The following BTBD7 variants were observed in gnomAD, a reference collection of about 807,000 sequenced individuals.
BTBD7 encodes the protein BTB domain containing 7.
A neutral mutation model predicts 99.9 loss-of-function variants in BTBD7; 38 were observed. The ratio of observed to expected loss-of-function variants is 0.38; its 90% CI spans 0.29 to 0.50. The LOEUF is 0.50. BTBD7 is among the 20% of genes least tolerant of loss of function. The pLI is 0.93. For synonymous variants in BTBD7, 520 were observed against 511.4 expected (o/e 1.02, Z -0.23); for missense variants, 1,170 against 1,394.6 (o/e 0.84, Z 2.57).
At chr14:93,251,311 G>C (rs948899777) in intron 8 of BTBD7, 152 bp downstream of exon 8, 75 of 801,860 alleles carry the variant, frequency 9.4e-5, no homozygotes, top group Non-Finnish European at 1.3e-4. Context: ...AAAAGTTTTG[G>C]CTTAAAAGTG....
chr14:93,271,780 G>T (rs907556098), intron 3 of BTBD7, among the ~76,000 whole-genome samples: 1 of 152,012 alleles, frequency 6.6e-6, no homozygotes, highest in Non-Finnish European at 1.5e-5. Context: ...CAAGACGGGC[G>T]GATCGTTTGG....
At chr14:93,323,448 C>T (rs2053292495) in intron 1 of BTBD7, among the ~76,000 whole-genome samples, 1 of 152,144 alleles carries the variant, frequency 6.6e-6, no homozygotes, top group African/African-American at 2.4e-5. Flanking sequence ...ATAGCTATCA[C>T]TAACATTCAC....
chr14:93,248,427 T>C (rs752597986), intron 9 of BTBD7, 49 bp downstream of exon 9: 2 of 1,584,732 alleles, frequency 1.3e-6, no homozygotes, highest in Admixed American at 1.7e-5. Flanking sequence ...ATACTGCCTG[T>C]CTGGTGACTG....
chr14:93,248,416 A>C, intron 9 of BTBD7, 60 bp downstream of exon 9: 1 of 1,560,580 alleles, frequency 6.4e-7, no homozygotes. Flanking sequence ...GGATGCCCAC[A>C]ATACTGCCTG....
intron 1 of BTBD7, among the ~76,000 whole-genome samples, chr14:93,319,003 G>C (rs1270637774): frequency 6.6e-6 from 1 of 152,178 alleles, no homozygotes; most frequent in South Asian, 2.1e-4. Flanking sequence ...GATTGCTTCA[G>C]CCCAGGAGTT....
chr14:93,278,178 C>G (rs1358676677), intron 3 of BTBD7, among the ~76,000 whole-genome samples: 1 of 151,470 alleles, frequency 6.6e-6, no homozygotes, highest in South Asian at 2.1e-4. Context: ...TTTGGGAAGC[C>G]GAGGTGGGTG....
At chr14:93,243,461 G>A (rs746280188) in intron 10 of BTBD7, among the ~76,000 whole-genome samples, 1 of 152,114 alleles carries the variant, frequency 6.6e-6, no homozygotes, top group Non-Finnish European at 1.5e-5. Flanking sequence ...CTAAAGTGCT[G>A]GGATTACAGG....
At chr14:93,331,153 A>G (rs1250443479) in intron 1 of BTBD7, among the ~76,000 whole-genome samples, 1 of 152,200 alleles carries the variant, frequency 6.6e-6, no homozygotes, top group Non-Finnish European at 1.5e-5. Flanking sequence ...TCAGAATGAG[A>G]CAGAGGCTCT....
chr14:93,244,571 C>G (rs2052279904), intron 10 of BTBD7, among the ~76,000 whole-genome samples: 1 of 152,176 alleles, frequency 6.6e-6, no homozygotes, highest in Non-Finnish European at 1.5e-5. Flanking sequence ...ATTGCTTGAA[C>G]CCGGGAGGCG....
chr14:93,274,515 C>T (rs2052634378), intron 3 of BTBD7, among the ~76,000 whole-genome samples: 1 of 152,178 alleles, frequency 6.6e-6, no homozygotes, highest in Admixed American at 6.5e-5. Flanking sequence ...AGGTAAATGT[C>T]CCCTCTTTCT....
chr14:93,243,035 G>A lies in BTBD7; in HGVS notation c.2637C>T (p.Ser879=). The A allele has an allele frequency of 6.2e-7, 1 of 1,614,054 alleles. No individual in the cohort carries two copies. Among genetic ancestry groups the A allele is most frequent in the Non-Finnish European group, 8.5e-7 (1 of 1,180,016 alleles). ...GCCTCCTGTCCTTGAGTGACAGTGT[G>A]GACACACCCACCGCGATGTCTGGCA... is the stretch of plus-strand genomic sequence containing the variant. ...DLMPDIAVGV[S]TLSLKDRRLP... is the part of the protein sequence containing the mutation. Residue 879 remains serine (S), a synonymous_variant, in exon 11 of 11, where the codon TCC becomes TCT. Transcript: ENST00000334746.
At chr14:93,246,469 GCA>G (rs1462598593) in intron 9 of BTBD7, among the ~76,000 whole-genome samples, 183 bp from the exon 10 acceptor site, 2 of 152,210 alleles carry the variant, frequency 1.3e-5, no homozygotes, top group African/African-American at 4.8e-5. Context: ...TAGTACAAAG[GCA>G]CAGAGTGCAG....
rs937021957 is a variant in BTBD7 at position 93,292,299 on chromosome 14, T to G, written c.1162+1559A>C. Among the ~76,000 whole-genome samples the G allele has an allele frequency of 2.4e-4, 36 of 146,986 alleles. No homozygotes were observed. The South Asian group carries it at 7.3e-3, about 30-fold the overall frequency. On this transcript the variant is annotated intron_variant, in intron 3 of 10. Transcript: ENST00000334746. Reference sequence around the variant, plus strand: ...ATAAAAATATTTTGAGAAAATATAGTTTTTTTTTTGGTAATGTTGCAAACT... The same window carrying G: ...ATAAAAATATTTTGAGAAAATATAGGTTTTTTTTTGGTAATGTTGCAAACT...
chr14:93,328,911 T>C (rs1158387122), intron 1 of BTBD7, among the ~76,000 whole-genome samples: 2 of 152,160 alleles, frequency 1.3e-5, no homozygotes, highest in East Asian at 1.9e-4. Flanking sequence ...ACCCAGAACC[T>C]ATCTATCTTT....
At chr14:93,300,747 TGTGTG>T in intron 1 of BTBD7, among the ~76,000 whole-genome samples, 1 of 92,476 alleles carries the variant, frequency 1.1e-5, no homozygotes, top group East Asian at 3.1e-4. Context: ...TGTGTGTGTG[TGTGTG>T]TGTGTGTGTG....
At chr14:93,289,964 A>G (rs531255545) in intron 3 of BTBD7, among the ~76,000 whole-genome samples, 2 of 145,578 alleles carry the variant, frequency 1.4e-5, no homozygotes, top group African/African-American at 5.1e-5. Context: ...TTAAGCAATT[A>G]TTGTGCCTCA....
intron 3 of BTBD7, among the ~76,000 whole-genome samples, chr14:93,274,852 A>T (rs929603071): frequency 2.6e-5 from 4 of 152,224 alleles, no homozygotes; most frequent in African/African-American, 7.2e-5. Context: ...TTTTGGTCAA[A>T]CTAATGGGTC....
intron 1 of BTBD7, among the ~76,000 whole-genome samples, chr14:93,319,992 G>A (rs1341140010): frequency 6.6e-6 from 1 of 152,188 alleles, no homozygotes; most frequent in African/African-American, 2.4e-5. Flanking sequence ...AACGGCCAGA[G>A]AGATAGAGGA....
At chr14:93,243,160 A>G (rs2052257454) in intron 10 of BTBD7, 72 bp from the exon 11 acceptor site, 1 of 1,343,148 alleles carries the variant, frequency 7.4e-7, no homozygotes, top group Non-Finnish European at 1.0e-6. Flanking sequence ...ATGTTCACTG[A>G]TTTTGTTTCC....
Sources: gnomAD v4.1 joint callset for allele counts (sites outside exome capture counted in the v4.1 genomes callset) on GRCh38, gnomAD v4.1.1 for gene constraint, MANE v1.5 for transcripts, NCBI Gene and HGNC (gene_info 2026-07-23, HGNC 2026-07-21) for gene names.